CIT: variants seen among roughly 807,000 people sequenced by gnomAD.
The protein encoded by CIT is citron rho-interacting serine/threonine kinase, also known as citron Rho-interacting kinase.
A neutral mutation model predicts 272.7 loss-of-function variants in CIT; 79 were observed. The observed-to-expected ratio is 0.29, with a 90% CI of 0.24 to 0.35. The LOEUF (loss-of-function observed/expected upper bound fraction) is 0.35. Among genes scored for constraint, CIT ranks in the 10% least tolerant of loss-of-function variants. CIT has a pLI of 1.00. For synonymous variants in CIT, 948 were observed against 995.6 expected (o/e 0.95, Z 0.90); for missense variants, 1,909 against 2,618.3 (o/e 0.73, Z 5.91).
At chr12:119,820,183 TAAC>T (rs1967567343) in intron 9 of CIT, among the ~76,000 whole-genome samples, 2 of 152,234 alleles carry the variant, frequency 1.3e-5, no homozygotes, top group Non-Finnish European at 2.9e-5. Context: ...GAAGTGTAGT[TAAC>T]AATAATGTAC....
At chr12:119,862,246 C>A (rs1950361733) in intron 3 of CIT, among the ~76,000 whole-genome samples, 1 of 152,154 alleles carries the variant, frequency 6.6e-6, no homozygotes, top group African/African-American at 2.4e-5. Context: ...ACACCCACCT[C>A]GGGCTCCCAA....
intron 24 of CIT, among the ~76,000 whole-genome samples, chr12:119,735,690 G>T (rs1474297956): frequency 6.6e-6 from 1 of 152,162 alleles, no homozygotes; most frequent in Non-Finnish European, 1.5e-5. Context: ...GAAAGAAAAT[G>T]CAAATTAAGA....
chr12:119,869,143 A>G lies in CIT; in HGVS notation c.155T>C (p.Leu52Ser). Residue 52 changes from leucine to serine, a missense_variant, in exon 3 of 48, where the codon TTA becomes TCA. Physicochemically the swap from Leu to Ser is moderately radical, Grantham distance 145. Coordinates refer to ENST00000392521, the MANE Select transcript of CIT (RefSeq NM_001206999.2). ...TTCAAAGAGAACAAAGAGGGCATCTAATATCCCTTCTCGGGAAAGAGGAGA... is the reference window on the plus strand; with the variant it reads ...TTCAAAGAGAACAAAGAGGGCATCTGATATCCCTTCTCGGGAAAGAGGAGA... ...QMSPLSREGI[L>S]DALFVLFEEC... is the part of the protein sequence containing the mutation. 1.9e-6 allele frequency: 3 copies of G among 1,613,424 alleles called. No homozygotes were observed. The highest frequency in any genetic ancestry group is 2.5e-6 in the Non-Finnish European group (3 of 1,179,824).
intron 7 of CIT, 59 bp downstream of exon 7, chr12:119,832,712 G>A (rs1349906085): frequency 7.2e-7 from 1 of 1,397,230 alleles, no homozygotes; most frequent in Admixed American, 1.7e-5. Context: ...CCAAACTTAG[G>A]AGGACCAAGA....
chr12:119,803,702 G>A (rs764158579), intron 9 of CIT, among the ~76,000 whole-genome samples: 1 of 152,158 alleles, frequency 6.6e-6, no homozygotes, highest in Non-Finnish European at 1.5e-5. Context: ...TGGGGAAGCC[G>A]CTCCTTCCTG....
chr12:119,730,764 A>G lies in CIT; in HGVS notation c.3351-134T>C, dbSNP rs566810641. The G allele has an allele frequency of 2.3e-5, 20 of 867,940 alleles. No individual in the cohort carries two copies. In the African/African-American group the frequency reaches 2.9e-4, roughly 12 times the overall value. The allele number at this position is 867,940 out of a possible 1,614,324, so 53.8% of individuals were successfully genotyped here. The stretch of plus-strand genomic sequence containing the variant: ...AGAAAGATGCCCAACCTTGACTCTT[A>G]GTTCCAAACTGTCTTCCTTTCCAAC... On this transcript the variant is annotated intron_variant, in intron 26 of 47. Transcript: ENST00000392521.
intron 3 of CIT, among the ~76,000 whole-genome samples, chr12:119,867,525 G>A (rs1237576317): frequency 2.0e-5 from 3 of 152,262 alleles, no homozygotes; most frequent in South Asian, 2.1e-4. Context: ...TATTTAGGGT[G>A]GTTGGTTGCA....
chr12:119,857,764 GAAAA>G, intron 3 of CIT, 66 bp from the exon 4 acceptor site: 1 of 1,018,214 alleles, frequency 9.8e-7, no homozygotes, highest in East Asian at 3.2e-5. Context: ...CTTTATGAAA[GAAAA>G]AAAAAAAAGA....
At chr12:119,708,339 C>T (rs745880416) in intron 39 of CIT, 21 bp from the exon 40 acceptor site, 6 of 1,551,936 alleles carry the variant, frequency 3.9e-6, no homozygotes, top group Non-Finnish European at 5.2e-6. Flanking sequence ...AAAGGAACAA[C>T]CTCTCGTCAG....
chr12:119,713,761 G>T lies in CIT; in HGVS notation c.4307-113C>A. The T allele has an allele frequency of 8.6e-7, 1 of 1,158,904 alleles. No individual in the cohort carries two copies. The highest frequency in any genetic ancestry group is 1.3e-6 in the Non-Finnish European group (1 of 786,246). 71.8% of individuals were successfully genotyped at this position (1,158,904 alleles called of 1,614,324 possible). A position where few individuals can be genotyped will look rare whatever the true frequency, so the allele number is the denominator to read the frequency against. ...TACCCCAGCCGGGCCCAGAGAGTCT[G>T]GCCCTGGCTTGCAGGTAGTCTCCTG... On this transcript the variant is annotated intron_variant, in intron 33 of 47. Transcript: ENST00000392521. The surrounding 1 kb of genome is among the most constrained non-coding windows in gnomAD (Gnocchi z 5.2).
chr12:119,795,279 C>T (rs1201864272), intron 10 of CIT, among the ~76,000 whole-genome samples: 1 of 152,094 alleles, frequency 6.6e-6, no homozygotes, highest in Non-Finnish European at 1.5e-5. Context: ...CCCAGCTACA[C>T]GGGAGGCTGA....
At chr12:119,755,590 C>T (rs527960262) in intron 22 of CIT, among the ~76,000 whole-genome samples, 1 of 152,342 alleles carries the variant, frequency 6.6e-6, no homozygotes, top group Admixed American at 6.5e-5. Flanking sequence ...TCCTGAACTC[C>T]AGTTGTGTCT....
chr12:119,760,913 C>T, intron 20 of CIT, 26 bp downstream of exon 20: 1 of 1,468,248 alleles, frequency 6.8e-7, no homozygotes, highest in Non-Finnish European at 9.6e-7. Flanking sequence ...CCTTTGAACA[C>T]TGGCTTGGCA....
chr12:119,850,450 A>G (rs28484771), intron 4 of CIT, among the ~76,000 whole-genome samples, 175 bp from the exon 5 acceptor site: 8 of 136,130 alleles, frequency 5.9e-5, no homozygotes, highest in East Asian at 4.7e-4. Flanking sequence ...AAAGGGAAGG[A>G]AAGGGAAGGG....
chr12:119,812,445 CTTTT>C, intron 9 of CIT, among the ~76,000 whole-genome samples: 1 of 146,932 alleles, frequency 6.8e-6, no homozygotes, highest in South Asian at 2.2e-4. Context: ...TTTTCTCCAA[CTTTT>C]TTTTTTTAGA....
At chr12:119,734,110 G>A in intron 26 of CIT, 54 bp downstream of exon 26, 4 of 1,575,614 alleles carry the variant, frequency 2.5e-6, no homozygotes, top group South Asian at 2.3e-5. Flanking sequence ...CAACTCTCAG[G>A]CCGATCCTCC....
Position 119,784,212 on chromosome 12 carries a change from C to G in CIT, c.1402-161G>C. On this transcript the variant is annotated intron_variant, in intron 11 of 47. Coordinates refer to ENST00000392521, the MANE Select transcript of CIT (RefSeq NM_001206999.2). The surrounding 1 kb of genome is among the most constrained non-coding windows in gnomAD (Gnocchi z 4.7). ...ACCATTGTTTCTTCGCCCAGGAGCG[C>G]ACAGTTCTTCGTTAAGGACAGTCAC... The G allele has an allele frequency of 3.1e-6, 5 of 1,602,654 alleles. No individual in the cohort carries two copies. Among genetic ancestry groups the G allele is most frequent in the Non-Finnish European group, 4.3e-6 (5 of 1,173,254 alleles).
intron 5 of CIT, among the ~76,000 whole-genome samples, chr12:119,844,620 G>A (rs1234052065): frequency 1.3e-5 from 2 of 152,142 alleles, no homozygotes; most frequent in African/African-American, 4.8e-5. Context: ...CTAAATTTGA[G>A]CTTTTATGTG....
At chr12:119,704,208 TC>T (rs1956748913) in intron 41 of CIT, among the ~76,000 whole-genome samples, 154 bp downstream of exon 41, 1 of 152,178 alleles carries the variant, frequency 6.6e-6, no homozygotes, top group South Asian at 2.1e-4. Context: ...AGGAAGGATC[TC>T]GCTGACGACA....
Sources: gnomAD v4.1 joint callset for allele counts (sites outside exome capture counted in the v4.1 genomes callset) on GRCh38, gnomAD v4.1.1 for gene constraint, Gnocchi (gnomAD v3.1) non-coding constraint, MANE v1.5 for transcripts, NCBI Gene and HGNC (gene_info 2026-07-23, HGNC 2026-07-21) for gene names.